Variants in ABCC1 observed in about 807,000 individuals in gnomAD.
The protein encoded by ABCC1 is multidrug resistance-associated protein 1.
A neutral mutation model predicts 172.9 loss-of-function variants in ABCC1; 83 were observed. That is an observed-to-expected ratio of 0.48 (90% confidence interval 0.40 to 0.58). ABCC1 has a LOEUF of 0.58. Ranked by LOEUF, ABCC1 falls within the 20% of genes least tolerant of loss-of-function variation. The pLI, the probability that ABCC1 is intolerant of heterozygous loss-of-function variation, is 0.00. For missense variants in ABCC1, 1,817 were observed against 2,002.7 expected (o/e 0.91, Z 1.77); for synonymous variants, 937 against 825.2 (o/e 1.14, Z -2.32).
At chr16:15,980,057 AT>A (rs1484865743) in intron 1 of ABCC1, among the ~76,000 whole-genome samples, 1 of 152,026 alleles carries the variant, frequency 6.6e-6, no homozygotes, top group Non-Finnish European at 1.5e-5. Flanking sequence ...AAAATAACAT[AT>A]AAAATAAACA....
chr16:15,966,993 A>G (rs989632165), intron 1 of ABCC1, among the ~76,000 whole-genome samples: 15 of 152,070 alleles, frequency 9.9e-5, no homozygotes, highest in African/African-American at 3.6e-4. Context: ...CAGTGGTTTA[A>G]TAGGGCTCTT....
rs143095579 is a variant in ABCC1, at chr16:16,010,566, A to C, written c.351+665A>C. Among the ~76,000 whole-genome samples, 707 of 152,310 alleles carry C rather than the reference A, an allele frequency of 4.6e-3. 6 individuals are homozygous for C. Among genetic ancestry groups the C allele is most frequent in the Non-Finnish European group, 7.7e-3 (521 of 68,032 alleles). On this transcript the variant is annotated intron_variant, in intron 3 of 30. Transcript: ENST00000399410. Reference sequence around the variant, plus strand: ...GCATAGGGGGTGGGTTGCTAAGCTAAATAGGAAACTGCTCTGTCCCGGGGG... The same window carrying C: ...GCATAGGGGGTGGGTTGCTAAGCTACATAGGAAACTGCTCTGTCCCGGGGG...
intron 1 of ABCC1, among the ~76,000 whole-genome samples, chr16:15,970,336 G>A (rs377680482): frequency 2.6e-5 from 4 of 152,300 alleles, no homozygotes; most frequent in East Asian, 1.9e-4. Context: ...GGTTGCCTAC[G>A]TCTCTCCTCG....
intron 1 of ABCC1, among the ~76,000 whole-genome samples, chr16:15,994,182 T>G (rs1283983237): frequency 6.6e-6 from 1 of 152,134 alleles, no homozygotes; most frequent in African/African-American, 2.4e-5. Flanking sequence ...ATGGTGCCAG[T>G]GTACTCAAGC....
chr16:16,035,262 C>G (rs746903051), intron 6 of ABCC1, among the ~76,000 whole-genome samples: 74 of 151,966 alleles, frequency 4.9e-4, no homozygotes, highest in Non-Finnish European at 8.2e-4. Context: ...ATTAGCCGGG[C>G]AGCACACGCC....
intron 12 of ABCC1, 97 bp from the exon 13 acceptor site, chr16:16,068,059 G>A: frequency 2.0e-6 from 3 of 1,473,072 alleles, no homozygotes; most frequent in Non-Finnish European, 2.8e-6. Context: ...TGGCCACCTG[G>A]GGAGGGCCCA....
At chr16:16,002,295 T>C (rs1387782093) in intron 1 of ABCC1, among the ~76,000 whole-genome samples, 2 of 152,138 alleles carry the variant, frequency 1.3e-5, no homozygotes, top group Non-Finnish European at 2.9e-5. Flanking sequence ...ACAGAAGATG[T>C]ATATTTACTT....
intron 1 of ABCC1, among the ~76,000 whole-genome samples, chr16:15,971,510 C>G (rs756672185): frequency 1.3e-5 from 2 of 152,184 alleles, no homozygotes; most frequent in Non-Finnish European, 2.9e-5. Flanking sequence ...ACCCCTTTTC[C>G]TCTCTATTTG....
At position 16,131,875 on chromosome 16, in the gene ABCC1, C is replaced by T. The variant is rs928879416; in HGVS notation, c.3906C>T (p.Tyr1302=). The T allele has an allele frequency of 6.2e-7, 1 of 1,614,104 alleles. No homozygotes were observed. Among genetic ancestry groups the T allele is most frequent in the Non-Finnish European group, 8.5e-7 (1 of 1,180,038 alleles). Residue 1302 remains tyrosine, a synonymous_variant, in exon 27 of 31, where the codon TAC becomes TAT. Transcript: ENST00000399410. ...AATTCCGGAACTACTGCCTGCGCTA[C>T]CGAGAGGACCTGGACTTCGTTCTCA... The part of the protein sequence containing the change: ...RVEFRNYCLR[Y]REDLDFVLRH...
intron 19 of ABCC1, among the ~76,000 whole-genome samples, chr16:16,094,766 C>T (rs1418341759): frequency 2.7e-5 from 4 of 150,524 alleles, no homozygotes; most frequent in Admixed American, 6.6e-5. Flanking sequence ...CCGCCCGCCT[C>T]GGCCTCCCAA....
In ABCC1 at chr16:16,009,823, C is replaced by G; in HGVS notation, c.273C>G (p.Tyr91Ter). 6.2e-7 allele frequency: 1 copy of G among 1,611,526 alleles called. No individual in the cohort carries two copies. The highest frequency in any genetic ancestry group is 8.5e-7 in the Non-Finnish European group (1 of 1,179,054). ...TCGTCTGCTGGGCAGACCTCTTCTA[C>G]TCTTTCTGGGAAAGAAGTCGGGGCA... ...LWIVCWADLF[Y>*]SFWERSRGIF... is the part of the protein sequence containing the mutation. The change falls in exon 3 of 31, where the codon TAC becomes TAG. Residue 91 changes from tyrosine (Y) to a stop codon, truncating the protein, a stop_gained. Transcript: ENST00000399410. LOFTEE classifies it high-confidence loss of function.
intron 12 of ABCC1, 56 bp downstream of exon 12, chr16:16,056,351 C>T (rs17265551): frequency 0.083 from 131,186 of 1,579,524 alleles, 5,820 homozygotes; most frequent in Middle Eastern, 0.12. Flanking sequence ...ATTTTCTCTG[C>T]GTACCTGAAT....
At chr16:16,100,940 G>C (rs1454031109) in intron 19 of ABCC1, among the ~76,000 whole-genome samples, 1 of 152,036 alleles carries the variant, frequency 6.6e-6, no homozygotes, top group Non-Finnish European at 1.5e-5. Context: ...GCAGGGACTG[G>C]GCTGGACACG....
At chr16:15,964,913 C>G (rs2046211325) in intron 1 of ABCC1, among the ~76,000 whole-genome samples, 2 of 152,136 alleles carry the variant, frequency 1.3e-5, no homozygotes, top group African/African-American at 4.8e-5. Context: ...CTTTCTGAGT[C>G]CTTTTTGGGT....
chr16:16,128,360 C>A (rs113993578), intron 26 of ABCC1, among the ~76,000 whole-genome samples: 1 of 151,654 alleles, frequency 6.6e-6, no homozygotes. Flanking sequence ...CATGTTGGCC[C>A]GGCTGGTCTC....
chr16:15,982,875 A>G (rs1212915329), intron 1 of ABCC1, among the ~76,000 whole-genome samples: 1 of 151,098 alleles, frequency 6.6e-6, no homozygotes, highest in Non-Finnish European at 1.5e-5. Flanking sequence ...AGCAGGCTGA[A>G]TTTGGCCCAC....
In ABCC1 at chr16:16,043,220, C is replaced by CCGTTTT. The variant is rs1437069469; in HGVS notation, c.810-1230_810-1229insCGTTTT. ...TGCTGTGTTGCTCTGGCTGGCTGGA[C>CCGTTTT]TGTTTTTTTTTTTTTTTTTTTTTCC... On this transcript the variant is annotated intron_variant, in intron 7 of 30. Coordinates refer to ENST00000399410, the MANE Select transcript of ABCC1 (RefSeq NM_004996.4). Among the ~76,000 whole-genome samples the CCGTTTT allele has an allele frequency of 3.4e-3, 317 of 93,092 alleles. 3 individuals carry two copies. The highest frequency in any genetic ancestry group is 0.018 in the African/African-American group (302 of 16,532). 61.1% of individuals were successfully genotyped at this position (93,092 alleles called of 152,430 possible). A position where few individuals can be genotyped will look rare whatever the true frequency, so the allele number is the denominator to read the frequency against.
intron 1 of ABCC1, among the ~76,000 whole-genome samples, chr16:15,970,033 G>A (rs2151532222): frequency 1.3e-5 from 2 of 152,210 alleles, no homozygotes; most frequent in Admixed American, 1.3e-4. Flanking sequence ...GCAATAGCGG[G>A]GTTTCATCTG....
intron 19 of ABCC1, among the ~76,000 whole-genome samples, chr16:16,098,616 C>T (rs1012287350): frequency 6.6e-6 from 1 of 152,178 alleles, no homozygotes; most frequent in Non-Finnish European, 1.5e-5. Context: ...GAAACTCTGT[C>T]ACAAACAAAC....
Sources: allele counts gnomAD v4.1 joint callset (sites outside exome capture counted in the v4.1 genomes callset), GRCh38; gene constraint gnomAD v4.1.1; transcripts MANE v1.5; gene names NCBI Gene and HGNC (gene_info 2026-07-23, HGNC 2026-07-21).